ARID1B: variants seen among roughly 807,000 people sequenced by gnomAD.
The protein encoded by ARID1B is AT-rich interaction domain 1B.
ARID1B carries 30 observed loss-of-function variants against 212.3 expected under a neutral mutation model. The ratio of observed to expected loss-of-function variants is 0.14; its 90% CI spans 0.11 to 0.19. The LOEUF is 0.19. ARID1B is among the 10% of genes least tolerant of loss of function. The pLI is 1.00. For missense variants in ARID1B, 2,891 were observed against 3,204.0 expected (o/e 0.90, Z 2.36); for synonymous variants, 1,402 against 1,301.7 (o/e 1.08, Z -1.66).
chr6:156,999,660 C>A (rs748202398), intron 4 of ARID1B, among the ~76,000 whole-genome samples: 9 of 152,162 alleles, frequency 5.9e-5, no homozygotes, highest in Non-Finnish European at 1.3e-4. Context: ...CGTGAGCATG[C>A]AGGTGCTGCT....
At chr6:157,024,429 A>G (rs927297378) in intron 4 of ARID1B, 2 of 152,262 alleles carry the variant, frequency 1.3e-5, no homozygotes, top group African/African-American at 4.8e-5. Context: ...AAAATGTTGA[A>G]AGGGCTTACT....
intron 4 of ARID1B, among the ~76,000 whole-genome samples, chr6:156,988,150 G>A (rs1252213536): frequency 1.3e-5 from 2 of 152,198 alleles, no homozygotes; most frequent in Non-Finnish European, 2.9e-5. Context: ...ATTGTTCAAG[G>A]ATTTAGCTGG....
At chr6:156,943,085 A>C (rs897029901) in intron 4 of ARID1B, 2 of 152,172 alleles carry the variant, frequency 1.3e-5, no homozygotes, top group Non-Finnish European at 2.9e-5. Context: ...CCTGAGCCAA[A>C]ATTTCCCATT....
chr6:156,876,189 TA>T (rs1786532856), intron 2 of ARID1B, among the ~76,000 whole-genome samples: 1 of 152,182 alleles, frequency 6.6e-6, no homozygotes, highest in Admixed American at 6.5e-5. Flanking sequence ...TATTTTGGAG[TA>T]GATAGCACTG....
At chr6:157,104,127 G>T (rs984231714) in intron 5 of ARID1B, among the ~76,000 whole-genome samples, 37 of 152,140 alleles carry the variant, frequency 2.4e-4, no homozygotes, top group Admixed American at 2.2e-3. Flanking sequence ...AAGCCACCAC[G>T]CCCGGCCTAA....
At chr6:157,021,772 T>C (rs993101265) in intron 4 of ARID1B, among the ~76,000 whole-genome samples, 1 of 151,638 alleles carries the variant, frequency 6.6e-6, no homozygotes, top group Non-Finnish European at 1.5e-5. Context: ...CGGCGGCCGC[T>C]CGCACAGCGT....
At chr6:157,046,844 G>GA (rs1562575602) in intron 4 of ARID1B, among the ~76,000 whole-genome samples, 1 of 152,146 alleles carries the variant, frequency 6.6e-6, no homozygotes, top group Non-Finnish European at 1.5e-5. Flanking sequence ...TTCTCAAAGA[G>GA]AAAATGTAAC....
chr6:156,795,782 C>T (rs925707496), intron 1 of ARID1B, among the ~76,000 whole-genome samples: 3 of 152,062 alleles, frequency 2.0e-5, no homozygotes, highest in Non-Finnish European at 4.4e-5. Context: ...TATTACTGTG[C>T]CTTATGGGTA....
chr6:156,825,333 ATGAG>A (rs1308644007), intron 1 of ARID1B, among the ~76,000 whole-genome samples: 2 of 152,232 alleles, frequency 1.3e-5, no homozygotes, highest in Admixed American at 6.5e-5. Flanking sequence ...TTTGCACTGT[ATGAG>A]TAACTGTTTT....
intron 2 of ARID1B, among the ~76,000 whole-genome samples, chr6:156,832,985 A>C (rs949069036): frequency 5.3e-5 from 8 of 152,198 alleles, no homozygotes; most frequent in African/African-American, 1.9e-4. Flanking sequence ...TACATGGCTA[A>C]ACAGATTAGT....
At chr6:157,171,233 A>G (rs1163841345) in intron 9 of ARID1B, among the ~76,000 whole-genome samples, 1 of 152,270 alleles carries the variant, frequency 6.6e-6, no homozygotes, top group Non-Finnish European at 1.5e-5. Context: ...TTTCAATGGT[A>G]AAGCCAGAGG....
chr6:156,780,919 G>C (rs1779212908), intron 1 of ARID1B, among the ~76,000 whole-genome samples: 1 of 152,188 alleles, frequency 6.6e-6, no homozygotes. Context: ...CTTTATAAAA[G>C]TCTTCCCTTT....
intron 4 of ARID1B, among the ~76,000 whole-genome samples, chr6:157,042,899 G>C (rs565924982): frequency 2.0e-5 from 3 of 152,242 alleles, no homozygotes; most frequent in African/African-American, 7.2e-5. Flanking sequence ...GACCTCAAGT[G>C]ATCTGCCCGC....
intron 4 of ARID1B, among the ~76,000 whole-genome samples, chr6:157,014,744 G>A (rs1192468006): frequency 6.6e-6 from 1 of 152,134 alleles, no homozygotes; most frequent in Non-Finnish European, 1.5e-5. Context: ...GAATACAATA[G>A]TTTTCAGTTA....
At chr6:156,921,438 AACACACACACACACACACAC>A (rs10560265) in intron 3 of ARID1B, among the ~76,000 whole-genome samples, 173 of 135,996 alleles carry the variant, frequency 1.3e-3, no homozygotes, top group Middle Eastern at 3.5e-3. Context: ...TTGATGGGAA[AACACACACACACACACACAC>A]ACACACACAC....
intron 4 of ARID1B, among the ~76,000 whole-genome samples, chr6:157,048,612 A>T (rs1353655278): frequency 6.6e-6 from 1 of 152,184 alleles, no homozygotes; most frequent in African/African-American, 2.4e-5. Flanking sequence ...GTTCCTGTGT[A>T]TTGAAGGAAT....
At chr6:157,173,831 T>G (rs1319838274) in intron 9 of ARID1B, 177 bp from the exon 10 acceptor site, 1 of 544,070 alleles carries the variant, frequency 1.8e-6, no homozygotes, top group African/African-American at 1.9e-5. Flanking sequence ...TTTGCCAGAA[T>G]GCGGTGCTGT....
chr6:157,001,461 G>A (rs978660302), intron 4 of ARID1B, among the ~76,000 whole-genome samples: 5 of 152,150 alleles, frequency 3.3e-5, no homozygotes, highest in South Asian at 2.1e-4. Flanking sequence ...TACACATTTC[G>A]TCCGACGTCT....
chr6:156,835,603 G>A (rs1227115899), intron 2 of ARID1B, among the ~76,000 whole-genome samples: 4 of 151,906 alleles, frequency 2.6e-5, no homozygotes, highest in African/African-American at 7.3e-5. Flanking sequence ...AGTATATAGC[G>A]CCTAGTACTC....
Sources: allele counts gnomAD v4.1 joint callset (sites outside exome capture counted in the v4.1 genomes callset), GRCh38; gene constraint gnomAD v4.1.1; transcripts MANE v1.5; gene names NCBI Gene and HGNC (gene_info 2026-07-23, HGNC 2026-07-21).